BANP: variants seen among roughly 807,000 people sequenced by gnomAD.
BANP encodes protein BANP.
Under a neutral mutation model 68.1 loss-of-function variants are expected in BANP, and 11 were observed. The ratio of observed to expected loss-of-function variants is 0.16; its 90% CI spans 0.10 to 0.27. BANP has a LOEUF of 0.27. Ranked by LOEUF, BANP falls within the 10% of genes least tolerant of loss-of-function variation. BANP has a pLI of 1.00. For synonymous variants in BANP, 329 were observed against 303.2 expected, an observed-to-expected ratio of 1.09 and a Z score of -0.88; for missense variants, 504 against 722.7, an observed-to-expected ratio of 0.70 and a Z score of 3.47.
At chr16:87,953,001 A>T (rs966741046) in intron 1 of BANP, among the ~76,000 whole-genome samples, 3 of 152,014 alleles carry the variant, frequency 2.0e-5, no homozygotes, top group African/African-American at 2.4e-5. Flanking sequence ...TAATCTTTTT[A>T]AAAAAGAGCT....
intron 7 of BANP, among the ~76,000 whole-genome samples, chr16:88,019,623 GGCGTGCGGGATCTCA>G (rs2075518832): frequency 7.1e-5 from 5 of 70,614 alleles, no homozygotes; most frequent in African/African-American, 2.1e-4. Context: ...GGGGCGTCCG[GGCGTGCGGGATCTCA>G]GCGTGCGGGG....
chr16:87,988,023 C>T (rs2064910930), intron 4 of BANP, among the ~76,000 whole-genome samples: 1 of 151,840 alleles, frequency 6.6e-6, no homozygotes, highest in Admixed American at 6.6e-5. Context: ...TAAAAATTGC[C>T]AACAGTTGAA....
chr16:87,962,218 C>A (rs1293490313), intron 1 of BANP, among the ~76,000 whole-genome samples: 2 of 129,114 alleles, frequency 1.5e-5, no homozygotes, highest in Non-Finnish European at 3.1e-5. Context: ...CCAGTCTGGG[C>A]TACAGAGCGA....
chr16:88,053,460 C>G (rs1278354502), intron 11 of BANP, among the ~76,000 whole-genome samples: 2 of 150,854 alleles, frequency 1.3e-5, no homozygotes, highest in Non-Finnish European at 2.9e-5. Context: ...CCATCATCAT[C>G]ATCACCAACA....
At chr16:88,066,975 G>C (rs1244636012) in intron 12 of BANP, among the ~76,000 whole-genome samples, 1 of 152,244 alleles carries the variant, frequency 6.6e-6, no homozygotes, top group African/African-American at 2.4e-5. Flanking sequence ...CAGCGGCCTA[G>C]ACATTTTTGG....
chr16:88,051,601 C>G (rs2083288403), intron 11 of BANP, among the ~76,000 whole-genome samples: 1 of 152,204 alleles, frequency 6.6e-6, no homozygotes, highest in Non-Finnish European at 1.5e-5. Flanking sequence ...TCAGGGGTGC[C>G]TTTCCCTGCC....
rs537101781 is a variant in BANP at position 88,044,687 on chromosome 16, A to G, written c.1311+6676A>G. Reference sequence around the variant, plus strand: ...CTGTGTAATTAAGTAATTTTTAAAAATTTACAACTATATAGGCTGGGCACG... The same window carrying G: ...CTGTGTAATTAAGTAATTTTTAAAAGTTTACAACTATATAGGCTGGGCACG... On this transcript the variant is annotated intron_variant, in intron 11 of 13. Coordinates refer to ENST00000682872, the MANE Select transcript of BANP (RefSeq NM_001386991.1). Among the ~76,000 whole-genome samples, 8 of 152,342 alleles carry G rather than the reference A, an allele frequency of 5.3e-5. No individual in the cohort carries two copies. The East Asian group carries it at 1.5e-3, about 29-fold the overall frequency.
At chr16:87,981,640 G>A (rs2063304103) in intron 3 of BANP, among the ~76,000 whole-genome samples, 1 of 152,220 alleles carries the variant, frequency 6.6e-6, no homozygotes, top group African/African-American at 2.4e-5. Flanking sequence ...ACAGAAGAGT[G>A]TGAGCCATTT....
At chr16:88,065,403 C>T (rs970975380) in intron 12 of BANP, 71 bp downstream of exon 12, 16 of 684,110 alleles carry the variant, frequency 2.3e-5, no homozygotes, top group South Asian at 1.1e-4. Context: ...TAAAGACCCC[C>T]GCGATGACAC....
intron 1 of BANP, among the ~76,000 whole-genome samples, chr16:87,956,222 C>T (rs2058030593): frequency 6.6e-6 from 1 of 152,222 alleles, no homozygotes; most frequent in Non-Finnish European, 1.5e-5. Flanking sequence ...GACTGTAACT[C>T]ACAGCACCAG....
intron 11 of BANP, among the ~76,000 whole-genome samples, chr16:88,049,187 C>T (rs1274992414): frequency 1.3e-5 from 2 of 152,166 alleles, no homozygotes; most frequent in Non-Finnish European, 2.9e-5. Flanking sequence ...GTTGCAAGTT[C>T]GGGCCTCAGA....
chr16:88,066,573 G>C (rs562850971), intron 12 of BANP, among the ~76,000 whole-genome samples: 1 of 152,306 alleles, frequency 6.6e-6, no homozygotes, highest in Admixed American at 6.5e-5. Flanking sequence ...TTTATTTTCA[G>C]CTGAGCTGTG....
At chr16:88,023,219 CCTT>C (rs1208172324) in intron 7 of BANP, among the ~76,000 whole-genome samples, 4 of 152,142 alleles carry the variant, frequency 2.6e-5, no homozygotes, top group African/African-American at 9.7e-5. Flanking sequence ...AGCAGAGCCT[CCTT>C]CTCAGCAGGT....
At chr16:88,014,583 C>T (rs2074032212) in intron 6 of BANP, among the ~76,000 whole-genome samples, 1 of 152,086 alleles carries the variant, frequency 6.6e-6, no homozygotes, top group Non-Finnish European at 1.5e-5. Flanking sequence ...GAGAGCTCAG[C>T]TAAGTGTGTT....
At chr16:87,997,873 G>A (rs748374941) in intron 4 of BANP, among the ~76,000 whole-genome samples, 181 of 152,348 alleles carry the variant, frequency 1.2e-3, no homozygotes, top group Middle Eastern at 3.4e-3. Flanking sequence ...TGGGTCTCAT[G>A]GTGGCTGCTG....
intron 3 of BANP, 132 bp from the exon 4 acceptor site, chr16:87,983,928 A>T: frequency 7.2e-7 from 1 of 1,379,688 alleles, no homozygotes; most frequent in South Asian, 1.5e-5. Flanking sequence ...CTCACGGGCT[A>T]TTTCCAGTGT....
chr16:88,059,046 T>C (rs1468539808), intron 11 of BANP, among the ~76,000 whole-genome samples: 1 of 151,550 alleles, frequency 6.6e-6, no homozygotes, highest in Non-Finnish European at 1.5e-5. Flanking sequence ...GGAACCCCTG[T>C]ACCACAGTGC....
intron 11 of BANP, among the ~76,000 whole-genome samples, chr16:88,040,304 C>G (rs976284250): frequency 6.7e-6 from 1 of 150,040 alleles, no homozygotes; most frequent in African/African-American, 2.5e-5. Flanking sequence ...TCCTGCTGAG[C>G]TACACCCTGC....
intron 2 of BANP, among the ~76,000 whole-genome samples, chr16:87,977,005 C>G (rs921970770): frequency 2.6e-5 from 4 of 152,226 alleles, no homozygotes; most frequent in Non-Finnish European, 5.9e-5. Context: ...CAGTAAATCT[C>G]TCTTTGTAGA....
Sources: gnomAD v4.1 joint callset for allele counts (sites outside exome capture counted in the v4.1 genomes callset) on GRCh38, gnomAD v4.1.1 for gene constraint, MANE v1.5 for transcripts, NCBI Gene and HGNC (gene_info 2026-07-23, HGNC 2026-07-21) for gene names.